The following CTNNA3 variants were observed in gnomAD, a reference collection of about 807,000 sequenced individuals.
CTNNA3 encodes catenin alpha-3.
A neutral mutation model predicts 95.7 loss-of-function variants in CTNNA3; 76 were observed. That is an observed-to-expected ratio of 0.79 (90% CI 0.66 to 0.96). The LOEUF (loss-of-function observed/expected upper bound fraction) is 0.96. CTNNA3 is among the 40% of genes least tolerant of loss of function. The pLI, the probability that CTNNA3 is intolerant of heterozygous loss-of-function variation, is 0.00. For synonymous variants in CTNNA3, 431 were observed against 374.4 expected (o/e 1.15, Z -1.74); for missense variants, 1,191 against 1,089.8 (o/e 1.09, Z -1.31).
At chr10:66,949,878 G>A (rs769408318) in intron 7 of CTNNA3, among the ~76,000 whole-genome samples, 6 of 152,132 alleles carry the variant, frequency 3.9e-5, no homozygotes, top group Non-Finnish European at 7.4e-5. Flanking sequence ...ACTATGAAAT[G>A]GAAAAGCTCT....
chr10:66,826,056 A>T (rs1460300560), intron 7 of CTNNA3, among the ~76,000 whole-genome samples: 2 of 152,180 alleles, frequency 1.3e-5, no homozygotes. Context: ...GAGTGAAAGG[A>T]ACTTTCATTT....
rs939049710 is a variant in CTNNA3 at position 67,186,176 on chromosome 10, T to C, written c.844-5656A>G. On this transcript the variant is annotated intron_variant, in intron 6 of 17. Coordinates refer to ENST00000433211, the MANE Select transcript of CTNNA3 (RefSeq NM_013266.4). The stretch of plus-strand genomic sequence containing the variant: ...GAAGATGTGATAGAAACAGTGAATA[T>C]GTCTCCAGCATTGTGACAATAGGAA... Among the ~76,000 whole-genome samples the C allele has an allele frequency of 4.6e-5, 7 of 152,324 alleles. No homozygotes were observed. In the East Asian group the frequency reaches 1.2e-3, roughly 25 times the overall value.
intron 7 of CTNNA3, among the ~76,000 whole-genome samples, chr10:66,975,876 C>G (rs1206269160): frequency 6.6e-6 from 1 of 152,166 alleles, no homozygotes; most frequent in Non-Finnish European, 1.5e-5. Flanking sequence ...TCTTGGTCTT[C>G]TTCAATCAGT....
intron 7 of CTNNA3, among the ~76,000 whole-genome samples, chr10:66,850,882 T>G (rs1045403943): frequency 6.6e-6 from 1 of 152,190 alleles, no homozygotes; most frequent in Admixed American, 6.5e-5. Flanking sequence ...TCCTTCAGAT[T>G]AATGAACAGA....
At chr10:66,531,555 T>C (rs184134164) in intron 10 of CTNNA3, among the ~76,000 whole-genome samples, 1 of 152,264 alleles carries the variant, frequency 6.6e-6, no homozygotes, top group Admixed American at 6.5e-5. Flanking sequence ...ATTGCTTCTA[T>C]AAAGATAATT....
chr10:66,381,684 TAA>T (rs2092839836), intron 11 of CTNNA3, among the ~76,000 whole-genome samples: 1 of 152,154 alleles, frequency 6.6e-6, no homozygotes, highest in Admixed American at 6.5e-5. Flanking sequence ...TAAGGACATT[TAA>T]AGTCACTTAT....
At position 67,592,971 on chromosome 10, in the gene CTNNA3, C is replaced by T. The variant is rs145570279; in HGVS notation, c.292+13886G>A. On this transcript the variant is annotated intron_variant, in intron 3 of 17. Coordinates refer to ENST00000433211, the MANE Select transcript of CTNNA3 (RefSeq NM_013266.4). ...TTATTCAATCCTAACCCTTCTCCTACCCTCCACCTTTAAGTAGGCCCCAAT... is the reference window on the plus strand; with the variant it reads ...TTATTCAATCCTAACCCTTCTCCTATCCTCCACCTTTAAGTAGGCCCCAAT... Among the ~76,000 whole-genome samples, 532 of 152,224 alleles carry T rather than the reference C, an allele frequency of 3.5e-3. 5 individuals are homozygous for T. Among genetic ancestry groups the T allele is most frequent in the African/African-American group, 0.012 (498 of 41,546 alleles).
intron 15 of CTNNA3, among the ~76,000 whole-genome samples, chr10:66,012,774 T>C (rs1243584015): frequency 6.6e-6 from 1 of 152,206 alleles, no homozygotes; most frequent in Admixed American, 6.5e-5. Flanking sequence ...TAGGGGCCCA[T>C]AACTCCATGG....
chr10:66,737,910 G>T (rs1849201108), intron 9 of CTNNA3, among the ~76,000 whole-genome samples: 1 of 152,072 alleles, frequency 6.6e-6, no homozygotes. Flanking sequence ...GCCCGCCTTG[G>T]CCTCCCAAAG....
chr10:66,741,628 A>G (rs949017452), intron 9 of CTNNA3, among the ~76,000 whole-genome samples: 2 of 152,212 alleles, frequency 1.3e-5, no homozygotes, highest in Non-Finnish European at 2.9e-5. Context: ...GCTGGGTTCT[A>G]CTGCACATTC....
At chr10:67,427,042 T>C (rs1845946222) in intron 5 of CTNNA3, among the ~76,000 whole-genome samples, 1 of 152,100 alleles carries the variant, frequency 6.6e-6, no homozygotes, top group Admixed American at 6.6e-5. Context: ...TAATTTTTAA[T>C]TTATAAATGA....
intron 6 of CTNNA3, among the ~76,000 whole-genome samples, chr10:67,207,146 C>T (rs1267670907): frequency 6.6e-6 from 1 of 151,970 alleles, no homozygotes; most frequent in African/African-American, 2.4e-5. Context: ...CAAAACAAAA[C>T]AAAAATTGTA....
intron 7 of CTNNA3, among the ~76,000 whole-genome samples, chr10:67,052,128 C>A (rs1046905257): frequency 6.6e-6 from 1 of 152,138 alleles, no homozygotes. Context: ...AAAGAAACCA[C>A]CTTACCTAGT....
chr10:66,682,099 T>C (rs1483404632), intron 9 of CTNNA3, among the ~76,000 whole-genome samples: 4 of 152,192 alleles, frequency 2.6e-5, no homozygotes, highest in African/African-American at 7.2e-5. Flanking sequence ...TTTGATCCTA[T>C]TAAGTTTCAA....
At chr10:67,394,329 A>G (rs1415700549) in intron 5 of CTNNA3, among the ~76,000 whole-genome samples, 1 of 152,040 alleles carries the variant, frequency 6.6e-6, no homozygotes, top group Non-Finnish European at 1.5e-5. Flanking sequence ...CCGTTAGTTA[A>G]ATCAGTATGG....
At chr10:66,542,852 C>T (rs901189710) in intron 10 of CTNNA3, among the ~76,000 whole-genome samples, 8 of 151,564 alleles carry the variant, frequency 5.3e-5, no homozygotes, top group South Asian at 2.1e-4. Flanking sequence ...CAAGCCTGCA[C>T]GTTGTGCACA....
At chr10:66,849,559 A>C (rs1285322169) in intron 7 of CTNNA3, among the ~76,000 whole-genome samples, 1 of 152,170 alleles carries the variant, frequency 6.6e-6, no homozygotes, top group Non-Finnish European at 1.5e-5. Flanking sequence ...ATGAGGTCAT[A>C]CTGGATTGGA....
intron 7 of CTNNA3, among the ~76,000 whole-genome samples, chr10:66,905,294 C>G (rs1845936966): frequency 6.6e-6 from 1 of 152,148 alleles, no homozygotes; most frequent in African/African-American, 2.4e-5. Flanking sequence ...ACCACATGTT[C>G]TCACTCATAG....
At chr10:67,355,278 G>T (rs914565021) in intron 5 of CTNNA3, among the ~76,000 whole-genome samples, 1 of 152,036 alleles carries the variant, frequency 6.6e-6, no homozygotes, top group African/African-American at 2.4e-5. Flanking sequence ...AACAAGACAG[G>T]CAGATTTCAT....
Sources: allele counts gnomAD v4.1 joint callset (sites outside exome capture counted in the v4.1 genomes callset), GRCh38; gene constraint gnomAD v4.1.1; transcripts MANE v1.5; gene names NCBI Gene and HGNC (gene_info 2026-07-23, HGNC 2026-07-21).